CTNNA2: variants seen among roughly 807,000 people sequenced by gnomAD.
The protein encoded by CTNNA2 is catenin alpha-2.
A neutral mutation model predicts 101.0 loss-of-function variants in CTNNA2; 42 were observed. That is an observed-to-expected ratio of 0.42 (90% confidence interval 0.32 to 0.54). The LOEUF (loss-of-function observed/expected upper bound fraction) is 0.54, where lower values mean the gene tolerates loss of function less well. Among genes scored for constraint, CTNNA2 ranks in the 20% least tolerant of loss-of-function variants. CTNNA2 has a pLI of 0.14. For synonymous variants in CTNNA2, 450 were observed against 456.4 expected, an observed-to-expected ratio of 0.99 and a Z score of 0.18; for missense variants, 871 against 1,223.1, an observed-to-expected ratio of 0.71 and a Z score of 4.29.
chr2:79,782,349 G>T (rs1674510709), intron 3 of CTNNA2, among the ~76,000 whole-genome samples: 1 of 152,024 alleles, frequency 6.6e-6, no homozygotes. Context: ...TGATTCTCCT[G>T]CCCCAGCCTC....
chr2:79,812,939 C>T (rs1340385961), intron 3 of CTNNA2, among the ~76,000 whole-genome samples: 10 of 152,152 alleles, frequency 6.6e-5, no homozygotes, highest in Non-Finnish European at 1.3e-4. Flanking sequence ...GACAGTAACA[C>T]TCCAGGTGCA....
intron 9 of CTNNA2, among the ~76,000 whole-genome samples, chr2:80,495,448 T>C (rs1325175736): frequency 6.6e-6 from 1 of 152,160 alleles, no homozygotes; most frequent in Admixed American, 6.5e-5. Flanking sequence ...ATGTGGGCTA[T>C]TTTAGGTTGA....
chr2:79,396,758 T>A (rs1397364965), intron 4 of CTNNA2, among the ~76,000 whole-genome samples: 3 of 152,182 alleles, frequency 2.0e-5, no homozygotes, highest in Non-Finnish European at 4.4e-5. Flanking sequence ...TTTAGGTTGA[T>A]ACTTTTCTCC....
At chr2:79,873,690 G>C (rs975855403) in intron 5 of CTNNA2, among the ~76,000 whole-genome samples, 1 of 152,084 alleles carries the variant, frequency 6.6e-6, no homozygotes, top group African/African-American at 2.4e-5. Context: ...CTTGAGGCCA[G>C]GAGTTCAAGG....
intron 7 of CTNNA2, among the ~76,000 whole-genome samples, chr2:79,987,069 G>C (rs1489753209): frequency 6.6e-6 from 1 of 152,098 alleles, no homozygotes; most frequent in African/African-American, 2.4e-5. Flanking sequence ...GTGGTGTTTG[G>C]TGTCTTGTGG....
intron 3 of CTNNA2, among the ~76,000 whole-genome samples, chr2:79,344,800 CTA>C (rs942685127): frequency 6.9e-6 from 1 of 144,916 alleles, no homozygotes; most frequent in African/African-American, 2.5e-5. Context: ...AATTTCTCAG[CTA>C]TATATATATT....
rs1451835259 is a variant in CTNNA2 at position 79,778,239 on chromosome 2, G to A, written c.298+33657G>A. On this transcript the variant is annotated intron_variant, in intron 3 of 18. Transcript: ENST00000402739. Reference sequence around the variant, plus strand: ...CACATGCCTCCAGTCCCAGCTACTTGGGAGGCTGAGGCAGGAGAATGGCTT... The same window carrying A: ...CACATGCCTCCAGTCCCAGCTACTTAGGAGGCTGAGGCAGGAGAATGGCTT... Among the ~76,000 whole-genome samples the A allele has an allele frequency of 1.4e-5, 2 of 139,148 alleles. 1 individual carries two copies. The highest frequency in any genetic ancestry group is 3.0e-5 in the Non-Finnish European group (2 of 67,096). The allele number at this position is 139,148 out of a possible 152,430, so 91.3% of individuals were successfully genotyped here.
At chr2:80,614,610 A>T (rs1261284942) in intron 17 of CTNNA2, among the ~76,000 whole-genome samples, 1 of 151,454 alleles carries the variant, frequency 6.6e-6, no homozygotes, top group Non-Finnish European at 1.5e-5. Flanking sequence ...TCCCCATAAG[A>T]CATATCCTAA....
chr2:80,291,709 T>C (rs746298459), intron 7 of CTNNA2, among the ~76,000 whole-genome samples: 17 of 152,172 alleles, frequency 1.1e-4, no homozygotes, highest in Non-Finnish European at 2.4e-4. Flanking sequence ...CCTCCAGGAA[T>C]TGACTATAGA....
chr2:80,333,171 A>G (rs1423577422), intron 7 of CTNNA2, among the ~76,000 whole-genome samples: 1 of 152,158 alleles, frequency 6.6e-6, no homozygotes, highest in African/African-American at 2.4e-5. Flanking sequence ...GTATTGGTCT[A>G]TTGACTCAGA....
chr2:79,358,679 A>T (rs894854655), intron 3 of CTNNA2, among the ~76,000 whole-genome samples: 1 of 152,182 alleles, frequency 6.6e-6, no homozygotes, highest in Admixed American at 6.5e-5. Flanking sequence ...CTTTCAAGAA[A>T]CCAAAGCAGC....
intron 6 of CTNNA2, among the ~76,000 whole-genome samples, chr2:79,885,948 C>G (rs1435898179): frequency 6.6e-6 from 1 of 152,154 alleles, no homozygotes; most frequent in African/African-American, 2.4e-5. Context: ...TTTTATATCT[C>G]TTAGGATAAG....
intron 18 of CTNNA2, among the ~76,000 whole-genome samples, chr2:80,630,014 G>A (rs1208089868): frequency 6.6e-6 from 1 of 152,100 alleles, no homozygotes; most frequent in East Asian, 1.9e-4. Context: ...GTGTCAGTGG[G>A]TGGAGGTACA....
intron 7 of CTNNA2, among the ~76,000 whole-genome samples, chr2:80,254,860 G>A (rs1372020223): frequency 3.3e-5 from 5 of 152,172 alleles, no homozygotes; most frequent in Non-Finnish European, 7.4e-5. Flanking sequence ...CACACAGTGA[G>A]TAACTGGTAG....
rs189983837 is a variant in CTNNA2, at chr2:80,201,519, G to A, written c.1057-191692G>A. Among the ~76,000 whole-genome samples, 1,321 of 151,432 alleles carry A rather than the reference G, an allele frequency of 8.7e-3. 16 individuals carry two copies. The highest frequency in any genetic ancestry group is 0.031 in the African/African-American group (1,257 of 41,202). ...CTCCCGAGTAGCTGGGACTACAGGC[G>A]CCTGCCACCATGCCTGGCTAAATTT... On this transcript the variant is annotated intron_variant, in intron 7 of 18. Coordinates refer to ENST00000402739, the MANE Select transcript of CTNNA2 (RefSeq NM_001282597.3).
chr2:80,074,345 G>A lies in CTNNA2; in HGVS notation c.1056+164548G>A, dbSNP rs56879218. ...TGTTACCCATCTGCAACAAATCACC[G>A]TGACACAAAACATTTAAAGAGGCAG... is the stretch of plus-strand genomic sequence containing the variant. On this transcript the variant is annotated intron_variant, in intron 7 of 18. Coordinates refer to ENST00000402739, the MANE Select transcript of CTNNA2 (RefSeq NM_001282597.3). Among the ~76,000 whole-genome samples the A allele has an allele frequency of 8.7e-3, 1,330 of 152,194 alleles. 10 individuals are homozygous for A. The highest frequency in any genetic ancestry group is 0.03 in the African/African-American group (1,258 of 41,508).
At chr2:79,840,114 T>G (rs1400297601) in intron 3 of CTNNA2, among the ~76,000 whole-genome samples, 1 of 152,254 alleles carries the variant, frequency 6.6e-6, no homozygotes, top group Non-Finnish European at 1.5e-5. Context: ...TGTGTGATAA[T>G]AAGTTATCAT....
chr2:79,641,301 G>T (rs1341203112), intron 1 of CTNNA2, among the ~76,000 whole-genome samples: 1 of 152,150 alleles, frequency 6.6e-6, no homozygotes, highest in Admixed American at 6.5e-5. Context: ...AATATGAAAT[G>T]TTGAGATTCT....
At chr2:79,411,411 C>G (rs1428818349) in intron 4 of CTNNA2, among the ~76,000 whole-genome samples, 2 of 151,972 alleles carry the variant, frequency 1.3e-5, no homozygotes. Flanking sequence ...AATTTTGGAT[C>G]TTTCCTGCTT....
Sources: allele counts gnomAD v4.1 joint callset (sites outside exome capture counted in the v4.1 genomes callset), GRCh38; gene constraint gnomAD v4.1.1; transcripts MANE v1.5; gene names NCBI Gene and HGNC (gene_info 2026-07-23, HGNC 2026-07-21).